RGS6: variants seen among roughly 807,000 people sequenced by gnomAD.
RGS6 encodes the protein regulator of G protein signaling 6, also known as regulator of G-protein signaling 6.
A neutral mutation model predicts 78.5 loss-of-function variants in RGS6; 30 were observed. The observed-to-expected ratio is 0.38, with a 90% CI of 0.29 to 0.52. The LOEUF (loss-of-function observed/expected upper bound fraction) is 0.52, where lower values mean the gene tolerates loss of function less well. Ranked by LOEUF, RGS6 falls within the 20% of genes least tolerant of loss-of-function variation. RGS6 has a pLI of 0.85. For missense variants in RGS6, 495 were observed against 609.7 expected, an observed-to-expected ratio of 0.81 and a Z score of 1.98; for synonymous variants, 206 against 206.0, an observed-to-expected ratio of 1.00 and a Z score of 0.00.
intron 2 of RGS6, among the ~76,000 whole-genome samples, chr14:72,259,139 G>A (rs572611012): frequency 1.1e-4 from 17 of 152,196 alleles, no homozygotes; most frequent in Admixed American, 2.6e-4. Context: ...GTCCACCAGT[G>A]TCACCATTTG....
At chr14:72,334,026 G>A (rs982079279) in intron 2 of RGS6, among the ~76,000 whole-genome samples, 6 of 152,116 alleles carry the variant, frequency 3.9e-5, no homozygotes, top group Admixed American at 6.5e-5. Context: ...GGATTGTGCC[G>A]GCCTTTCTCC....
chr14:72,386,118 AG>A (rs535564676), intron 3 of RGS6, among the ~76,000 whole-genome samples: 44 of 152,294 alleles, frequency 2.9e-4, no homozygotes, highest in Admixed American at 8.5e-4. Flanking sequence ...TGTCATGGGC[AG>A]CAAAGGTTGA....
chr14:72,090,984 T>G (rs2095250526), intron 2 of RGS6, among the ~76,000 whole-genome samples: 1 of 125,454 alleles, frequency 8.0e-6, no homozygotes, highest in African/African-American at 3.0e-5. Flanking sequence ...CCCTATCACC[T>G]TTAGTGATTT....
chr14:72,417,197 C>G (rs1342905620), intron 3 of RGS6, among the ~76,000 whole-genome samples: 1 of 152,170 alleles, frequency 6.6e-6, no homozygotes, highest in Non-Finnish European at 1.5e-5. Context: ...GTGAAAAGCA[C>G]TCAGCTATGA....
chr14:71,942,812 A>G (rs1166982916), intron 1 of RGS6, among the ~76,000 whole-genome samples: 1 of 152,208 alleles, frequency 6.6e-6, no homozygotes, highest in African/African-American at 2.4e-5. Context: ...CACCATTTTT[A>G]TGTGTGGTAA....
intron 2 of RGS6, among the ~76,000 whole-genome samples, chr14:72,194,822 C>G (rs1473567769): frequency 1.3e-5 from 2 of 152,078 alleles, no homozygotes; most frequent in Non-Finnish European, 2.9e-5. Context: ...CTAGGGCAAC[C>G]AAGGTGGGTG....
At chr14:71,985,949 G>T (rs1416261696) in intron 2 of RGS6, among the ~76,000 whole-genome samples, 1 of 152,178 alleles carries the variant, frequency 6.6e-6, no homozygotes, top group East Asian at 1.9e-4. Flanking sequence ...CCATGGGGTT[G>T]CTTCTTATAT....
At chr14:72,068,296 A>G (rs1157326747) in intron 2 of RGS6, among the ~76,000 whole-genome samples, 1 of 150,900 alleles carries the variant, frequency 6.6e-6, no homozygotes, top group Non-Finnish European at 1.5e-5. Flanking sequence ...CACCACACCT[A>G]GCTAATTTTT....
chr14:72,386,632 G>A (rs1457045879), intron 3 of RGS6, among the ~76,000 whole-genome samples: 2 of 152,300 alleles, frequency 1.3e-5, no homozygotes, highest in Admixed American at 6.5e-5. Context: ...AAGGCAAGGG[G>A]CAGGAGCTCA....
chr14:72,250,129 T>A (rs1479791424), intron 2 of RGS6, among the ~76,000 whole-genome samples: 1 of 148,870 alleles, frequency 6.7e-6, no homozygotes, highest in South Asian at 2.2e-4. Flanking sequence ...CTGGGAGATA[T>A]ACCTAATGCT....
chr14:72,097,346 C>T (rs1025550823), intron 2 of RGS6, among the ~76,000 whole-genome samples: 1 of 151,942 alleles, frequency 6.6e-6, no homozygotes, highest in African/African-American at 2.4e-5. Flanking sequence ...ATTTTCTTAA[C>T]AGCATCTTTC....
At position 72,328,526 on chromosome 14, in the gene RGS6, TAGG is replaced by T. The variant is rs1276294429; in HGVS notation, c.85-23566_85-23564del. Among the ~76,000 whole-genome samples the T allele has an allele frequency of 6.6e-5, 10 of 152,232 alleles. No individual in the cohort carries two copies. In the East Asian group the frequency reaches 1.7e-3, roughly 27 times the overall value. ...CAAATCACTAGATCACCAAGCCATTTAGGAGAAGAAACTGAAGTGAAGGGGGTA... is the reference window on the plus strand; with the variant it reads ...CAAATCACTAGATCACCAAGCCATTTAGAAGAAACTGAAGTGAAGGGGGTA... On this transcript the variant is annotated intron_variant, in intron 2 of 17. Coordinates refer to ENST00000553525, the MANE Select transcript of RGS6 (RefSeq NM_001204424.2).
At chr14:72,253,125 A>G (rs533721787) in intron 2 of RGS6, among the ~76,000 whole-genome samples, 4 of 152,370 alleles carry the variant, frequency 2.6e-5, no homozygotes, top group African/African-American at 9.6e-5. Context: ...GCTTTGGTCA[A>G]TAAAATGTGA....
intron 6 of RGS6, among the ~76,000 whole-genome samples, chr14:72,464,321 T>A (rs1173189923): frequency 6.6e-6 from 1 of 152,210 alleles, no homozygotes; most frequent in Non-Finnish European, 1.5e-5. Flanking sequence ...AGACGTGTGA[T>A]ATTTAGTGAA....
chr14:72,586,287 G>T, the RGS6 span, among the ~76,000 whole-genome samples: 3,560 of 152,336 alleles, frequency 0.023, 74 homozygotes, highest in Non-Finnish European at 0.037. Context: ...GGTTGTAGGA[G>T]TGAAGCCCTT....
At chr14:71,908,319 C>A in the RGS6 span, 3 of 152,178 alleles carry the variant, frequency 2.0e-5, no homozygotes, top group Non-Finnish European at 4.4e-5. Context: ...AAGGACAGCA[C>A]GGAATGACTG....
At chr14:72,229,500 C>G (rs74329933) in intron 2 of RGS6, among the ~76,000 whole-genome samples, 7,304 of 152,224 alleles carry the variant, frequency 0.048, 413 homozygotes, top group African/African-American at 0.13. Flanking sequence ...GGGACCCCAG[C>G]TTCAGCAGTG....
intron 2 of RGS6, among the ~76,000 whole-genome samples, chr14:72,217,289 T>C (rs944176542): frequency 1.3e-5 from 2 of 152,178 alleles, no homozygotes; most frequent in Non-Finnish European, 2.9e-5. Context: ...CTCATGAAAG[T>C]AGAATGGGAG....
At chr14:72,136,032 C>T (rs2096433545) in intron 2 of RGS6, among the ~76,000 whole-genome samples, 2 of 152,158 alleles carry the variant, frequency 1.3e-5, no homozygotes, top group Admixed American at 1.3e-4. Context: ...AAATTTGTTG[C>T]ACCATTTGCC....
Sources: allele counts gnomAD v4.1 joint callset (sites outside exome capture counted in the v4.1 genomes callset), GRCh38; gene constraint gnomAD v4.1.1; transcripts MANE v1.5; gene names NCBI Gene and HGNC (gene_info 2026-07-23, HGNC 2026-07-21).